The following SNTG1 variants were observed in gnomAD, a reference collection of about 807,000 sequenced individuals.
SNTG1 encodes the protein syntrophin gamma 1, also known as gamma-1-syntrophin.
A neutral mutation model predicts 74.7 loss-of-function variants in SNTG1; 39 were observed. That is an observed-to-expected ratio of 0.52 (90% CI 0.40 to 0.68). SNTG1 has a LOEUF of 0.68. SNTG1 is among the 30% of genes least tolerant of loss of function. The pLI is 0.00. For missense variants in SNTG1, 685 were observed against 609.5 expected, an observed-to-expected ratio of 1.12 and a Z score of -1.30; for synonymous variants, 254 against 217.1, an observed-to-expected ratio of 1.17 and a Z score of -1.49.
At chr8:49,913,923 G>T (rs1253175015) in intron 1 of SNTG1, among the ~76,000 whole-genome samples, 1 of 152,196 alleles carries the variant, frequency 6.6e-6, no homozygotes, top group Non-Finnish European at 1.5e-5. Context: ...GGCAGAGGGG[G>T]CAGGCTTTCT....
intron 1 of SNTG1, among the ~76,000 whole-genome samples, chr8:50,133,140 C>T (rs544048421): frequency 3.3e-5 from 5 of 152,120 alleles, no homozygotes; most frequent in Admixed American, 3.3e-4. Flanking sequence ...TTGGAAATAA[C>T]CTCAGCTAAA....
intron 2 of SNTG1, among the ~76,000 whole-genome samples, chr8:50,383,062 CACAGCA>C (rs1465303312): frequency 6.6e-6 from 1 of 152,158 alleles, no homozygotes; most frequent in Non-Finnish European, 1.5e-5. Context: ...AAAATACCTC[CACAGCA>C]ACACTTAGAT....
At chr8:50,104,231 A>G (rs1199872953) in intron 1 of SNTG1, among the ~76,000 whole-genome samples, 1 of 152,072 alleles carries the variant, frequency 6.6e-6, no homozygotes, top group Non-Finnish European at 1.5e-5. Context: ...TATTGCCACA[A>G]TTTCAGAGCC....
At chr8:49,970,050 A>G (rs1563411146) in intron 1 of SNTG1, among the ~76,000 whole-genome samples, 1 of 152,094 alleles carries the variant, frequency 6.6e-6, no homozygotes, top group South Asian at 2.1e-4. Flanking sequence ...TTAAGGAAAC[A>G]GTTAGACCAA....
At chr8:50,339,765 G>T (rs1181922629) in intron 2 of SNTG1, among the ~76,000 whole-genome samples, 1 of 151,864 alleles carries the variant, frequency 6.6e-6, no homozygotes, top group Non-Finnish European at 1.5e-5. Context: ...CAAACGAAAA[G>T]CAAGTACATA....
At chr8:49,969,187 A>G (rs910312958) in intron 1 of SNTG1, among the ~76,000 whole-genome samples, 7 of 152,038 alleles carry the variant, frequency 4.6e-5, no homozygotes, top group African/African-American at 1.7e-4. Flanking sequence ...TAACGTGGTG[A>G]ATAATTTTTT....
At chr8:50,618,541 A>G (rs997714246) in intron 13 of SNTG1, among the ~76,000 whole-genome samples, 5 of 152,236 alleles carry the variant, frequency 3.3e-5, no homozygotes, top group African/African-American at 1.2e-4. Context: ...CACACATTAC[A>G]TAAGCTCACA....
intron 4 of SNTG1, among the ~76,000 whole-genome samples, chr8:50,405,787 G>A (rs925727423): frequency 5.9e-5 from 9 of 151,802 alleles, no homozygotes; most frequent in Admixed American, 1.3e-4. Flanking sequence ...TTACTTGTGC[G>A]TTTGGTTATA....
At chr8:50,179,511 G>T (rs1194344047) in intron 2 of SNTG1, among the ~76,000 whole-genome samples, 2 of 152,114 alleles carry the variant, frequency 1.3e-5, no homozygotes, top group African/African-American at 2.4e-5. Flanking sequence ...TCTATGGACT[G>T]GGAGAGAATA....
intron 2 of SNTG1, among the ~76,000 whole-genome samples, chr8:50,211,377 T>A (rs779198071): frequency 3.9e-5 from 6 of 152,180 alleles, no homozygotes; most frequent in Non-Finnish European, 7.4e-5. Context: ...ATATTACATT[T>A]CATTTTCTCC....
intron 12 of SNTG1, among the ~76,000 whole-genome samples, chr8:50,588,557 A>C (rs570730052): frequency 6.6e-6 from 1 of 152,318 alleles, no homozygotes; most frequent in East Asian, 1.9e-4. Context: ...AAAAGCTACA[A>C]ATTTCAGTAG....
chr8:50,679,065 G>T (rs1040057304), intron 15 of SNTG1, among the ~76,000 whole-genome samples: 5 of 152,046 alleles, frequency 3.3e-5, no homozygotes, highest in Non-Finnish European at 5.9e-5. Flanking sequence ...CAATTTTGCT[G>T]TAGTATTATT....
chr8:50,302,368 G>A lies in SNTG1; in HGVS notation c.-27-91844G>A, dbSNP rs568273548. Among the ~76,000 whole-genome samples the A allele has an allele frequency of 4.6e-5, 7 of 152,128 alleles. No individual in the cohort carries two copies. The South Asian group carries it at 6.2e-4, about 14-fold the overall frequency. Reference sequence around the variant, plus strand: ...GACATCAGCTGTGATGTGTTTCCCCGATTATTTGCCACTGGGATCACTATA... The same window carrying A: ...GACATCAGCTGTGATGTGTTTCCCCAATTATTTGCCACTGGGATCACTATA... On this transcript the variant is annotated intron_variant, in intron 2 of 18. Transcript: ENST00000642720.
chr8:50,676,355 G>T (rs2095309657), intron 15 of SNTG1, among the ~76,000 whole-genome samples: 1 of 151,658 alleles, frequency 6.6e-6, no homozygotes, highest in Non-Finnish European at 1.5e-5. Flanking sequence ...TTTCTGTATG[G>T]CTTATTTCAG....
chr8:50,711,133 C>A (rs757091423), intron 17 of SNTG1, among the ~76,000 whole-genome samples: 14 of 152,084 alleles, frequency 9.2e-5, no homozygotes, highest in Non-Finnish European at 1.8e-4. Context: ...AACTTGCACC[C>A]CTTCATCAGA....
At chr8:50,356,258 C>T (rs2091813590) in intron 2 of SNTG1, among the ~76,000 whole-genome samples, 1 of 152,024 alleles carries the variant, frequency 6.6e-6, no homozygotes, top group Non-Finnish European at 1.5e-5. Context: ...GATTCAGCTT[C>T]CCAGGGAAGG....
At chr8:50,226,393 A>G (rs1475300889) in intron 2 of SNTG1, among the ~76,000 whole-genome samples, 1 of 152,160 alleles carries the variant, frequency 6.6e-6, no homozygotes, top group Admixed American at 6.5e-5. Flanking sequence ...ATCTGTAAAG[A>G]ATCTCTATTA....
intron 1 of SNTG1, among the ~76,000 whole-genome samples, chr8:50,161,915 T>A (rs548347104): frequency 1.3e-5 from 2 of 152,186 alleles, no homozygotes; most frequent in South Asian, 4.1e-4. Flanking sequence ...AAGCATATAA[T>A]CTTAGACAAG....
At chr8:50,265,510 G>A (rs73678717) in intron 2 of SNTG1, among the ~76,000 whole-genome samples, 4,164 of 151,988 alleles carry the variant, frequency 0.027, 180 homozygotes, top group African/African-American at 0.091. Flanking sequence ...ACCTATAGCT[G>A]GCAATATTCT....
Sources: allele counts gnomAD v4.1 joint callset (sites outside exome capture counted in the v4.1 genomes callset), GRCh38; gene constraint gnomAD v4.1.1; transcripts MANE v1.5; gene names NCBI Gene and HGNC (gene_info 2026-07-23, HGNC 2026-07-21).